ZNF541: variants seen among roughly 807,000 people sequenced by gnomAD.
The protein encoded by ZNF541 is zinc finger protein 541.
Under a neutral mutation model 123.5 loss-of-function variants are expected in ZNF541, and 23 were observed. The observed-to-expected ratio is 0.19, with a 90% CI of 0.13 to 0.26. ZNF541 has a LOEUF of 0.26. ZNF541 is among the 10% of genes least tolerant of loss of function. ZNF541 has a pLI of 1.00. For missense variants in ZNF541, 1,612 were observed against 1,789.9 expected, an observed-to-expected ratio of 0.90 and a Z score of 1.79; for synonymous variants, 751 against 754.5, an observed-to-expected ratio of 1.00 and a Z score of 0.08.
chr19:47,535,245 A>G (rs2340938), intron 9 of ZNF541, among the ~76,000 whole-genome samples: 36,397 of 152,126 alleles, frequency 0.24, 9,546 homozygotes, highest in African/African-American at 0.66. Flanking sequence ...GAGCCACCGC[A>G]CCTGGACCAA....
Position 47,555,607 on chromosome 19 carries a change from C to T in ZNF541, c.250G>A (p.Asp84Asn). 1 of 1,551,556 alleles carries T rather than the reference C, an allele frequency of 6.4e-7. No individual in the cohort carries two copies. The highest frequency in any genetic ancestry group is 8.7e-7 in the Non-Finnish European group (1 of 1,146,906). The change falls in exon 3 of 17, where the codon GAT (aspartate) becomes AAT (asparagine). Residue 84 changes from aspartate to asparagine, a missense_variant. Transcript: ENST00000391901. ...TLSLYSGKDS[D>N]SVKLLEEYAD... ...TACTCCTCCAGCAGCTTCACAGAAT[C>T]ACTGTCCTTCCCGGAGTACAGGGAC...
chr19:47,566,746 AAAATAAAT>A (rs761343019), intron 2 of ZNF541, among the ~76,000 whole-genome samples: 2 of 151,142 alleles, frequency 1.3e-5, no homozygotes, highest in African/African-American at 4.9e-5. Context: ...CTCCATCTCA[AAAATAAAT>A]AAATAAATAA....
At position 47,555,800 on chromosome 19, in the gene ZNF541, AGGGAGGTGCATTTCTGAT is replaced by A. The variant is rs1412168068; in HGVS notation, c.39_56del (p.Glu15_Ser20del). 17 of 1,551,530 alleles carry A rather than the reference AGGGAGGTGCATTTCTGAT, an allele frequency of 1.1e-5. No individual in the cohort carries two copies. Among genetic ancestry groups the A allele is most frequent in the Non-Finnish European group, 1.5e-5 (17 of 1,147,008 alleles). On this transcript the variant is annotated inframe_deletion, in exon 3 of 17. Transcript: ENST00000391901. ...TGAGCCCTTGGCTCTCTGAAAATGA[AGGGAGGTGCATTTCTGAT>A]GGGAGGGCACCCTCGTCTCCAAGGC...
chr19:47,557,232 G>C (rs1301628284), intron 2 of ZNF541, among the ~76,000 whole-genome samples: 1 of 152,160 alleles, frequency 6.6e-6, no homozygotes, highest in African/African-American at 2.4e-5. Context: ...CAGACACGTG[G>C]GTGAGGGAAA....
chr19:47,571,352 G>A (rs1015759475), intron 2 of ZNF541, among the ~76,000 whole-genome samples: 1 of 152,110 alleles, frequency 6.6e-6, no homozygotes, highest in African/African-American at 2.4e-5. Flanking sequence ...CAGCCGCCTC[G>A]GCCTCCCAAA....
Position 47,548,913 on chromosome 19 carries a change from TAAAAATAATAC to T in ZNF541, c.548+321_548+331del, listed in dbSNP as rs569364386. On this transcript the variant is annotated intron_variant, in intron 4 of 16. Coordinates refer to ENST00000391901, the MANE Select transcript of ZNF541 (RefSeq NM_001277075.3). ...CAACATGGTGAAACCCTGTCTCTAC[TAAAAATAATAC>T]AAAAATTAGCTGGGTGTGGTGGCGG... Among the ~76,000 whole-genome samples, 825 of 152,100 alleles carry T rather than the reference TAAAAATAATAC, an allele frequency of 5.4e-3. 5 individuals carry two copies. Among genetic ancestry groups the T allele is most frequent in the Non-Finnish European group, 9.4e-3 (640 of 67,980 alleles).
intron 5 of ZNF541, among the ~76,000 whole-genome samples, chr19:47,542,302 G>A (rs1332909716): frequency 2.5e-4 from 38 of 152,154 alleles, no homozygotes; most frequent in Admixed American, 2.5e-3. Context: ...CTGGCAAAGA[G>A]TGGGGATGGT....
chr19:47,531,316 G>A (rs911673458), intron 12 of ZNF541, among the ~76,000 whole-genome samples: 11 of 148,424 alleles, frequency 7.4e-5, no homozygotes, highest in African/African-American at 2.7e-4. Context: ...TCAATTGAAA[G>A]CTAAAACTCA....
intron 9 of ZNF541, among the ~76,000 whole-genome samples, chr19:47,535,248 T>G (rs761284346): frequency 2.0e-5 from 3 of 152,140 alleles, no homozygotes; most frequent in Non-Finnish European, 2.9e-5. Context: ...CCACCGCACC[T>G]GGACCAAAAT....
intron 4 of ZNF541, among the ~76,000 whole-genome samples, chr19:47,547,969 G>C (rs573219637): frequency 2.7e-5 from 4 of 150,636 alleles, no homozygotes; most frequent in African/African-American, 9.8e-5. Context: ...GAACCCAGGA[G>C]GCAGAGGCTT....
Position 47,539,755 on chromosome 19 carries a change from G to T in ZNF541, c.2746C>A (p.Gln916Lys). The T allele has an allele frequency of 6.8e-7, 1 of 1,464,066 alleles. No individual in the cohort carries two copies. The highest frequency in any genetic ancestry group is 3.3e-5 in the Admixed American group (1 of 29,912). 90.7% of individuals were successfully genotyped at this position (1,464,066 alleles called of 1,614,324 possible). ...GTCACTGGAACCACGGGGATCGATT[G>T]GGGGACCACCAAAGGGGCTGCAGCT... Reference protein sequence around the residue: ...PTAAAPLVVPQSIPVVPVTRH... With the variant: ...PTAAAPLVVPKSIPVVPVTRH... Residue 916 changes from glutamine (Q) to lysine (K), a missense_variant, in exon 8 of 17, where the codon CAA becomes AAA. By Grantham distance (53) the Gln-to-Lys change is moderately conservative. This residue lies in a region of ZNF541 where 1,080 missense variants were observed against 1,013.8 expected (regional missense o/e 1.07). Transcript: ENST00000391901.
intron 2 of ZNF541, among the ~76,000 whole-genome samples, chr19:47,569,228 G>A (rs1971383470): frequency 6.6e-6 from 1 of 151,818 alleles, no homozygotes; most frequent in African/African-American, 2.4e-5. Flanking sequence ...CTTCCTGCCT[G>A]GCCCTTATAA....
chr19:47,545,808 G>T lies in ZNF541; in HGVS notation c.721C>A (p.His241Asn), dbSNP rs1302394811. Residue 241 changes from histidine to asparagine, a missense_variant, in exon 5 of 17, where the codon CAC (histidine) becomes AAC (asparagine). Transcript: ENST00000391901. This position sits in a 1 kb window ranked among gnomAD's most constrained non-coding sequence, Gnocchi z 7.5. ...PEEEACGDSPHAHESAGQPPP... is the reference protein window; with the variant it reads ...PEEEACGDSPNAHESAGQPPP... ...GGCTGGCCGGCCGACTCGTGGGCGT[G>T]GGGGGAGTCCCCGCAGGCCTCTTCC... 3 of 1,544,044 alleles carry T rather than the reference G, an allele frequency of 1.9e-6. No homozygotes were observed. The highest frequency in any genetic ancestry group is 2.7e-5 in the African/African-American group (2 of 72,944).
chr19:47,569,841 G>A (rs909961828), intron 2 of ZNF541, among the ~76,000 whole-genome samples: 4 of 151,590 alleles, frequency 2.6e-5, no homozygotes, highest in Admixed American at 6.6e-5. Flanking sequence ...ATCACACCAC[G>A]GCACTCCAGC....
intron 3 of ZNF541, among the ~76,000 whole-genome samples, chr19:47,550,055 G>A (rs1172195505): frequency 6.6e-6 from 1 of 151,948 alleles, no homozygotes; most frequent in Non-Finnish European, 1.5e-5. Context: ...AGTTCAGGAC[G>A]AGCCTGGCCA....
At chr19:47,530,571 GT>G (rs1414654505) in intron 12 of ZNF541, among the ~76,000 whole-genome samples, 1 of 152,096 alleles carries the variant, frequency 6.6e-6, no homozygotes, top group Non-Finnish European at 1.5e-5. Context: ...TCATTGCAGG[GT>G]TTGCATAATT....
chr19:47,538,145 G>C lies in ZNF541; in HGVS notation c.3091C>G (p.Leu1031Val), dbSNP rs530275691. Residue 1031 changes from leucine (L) to valine (V), a missense_variant, in exon 9 of 17, where the codon CTC becomes GTC. Coordinates refer to ENST00000391901, the MANE Select transcript of ZNF541 (RefSeq NM_001277075.3). ...ASPDQLISSM[L>V]DQVDGSFGIC... ...TGAGTGCCCCAGCCTCACTCACCGA[G>C]CATGGAGCTGATGAGCTGGTCAGGG... 1.2e-5 allele frequency: 19 copies of C among 1,550,572 alleles called. No homozygotes were observed. The highest frequency in any genetic ancestry group is 1.7e-5 in the Non-Finnish European group (19 of 1,146,952).
At position 47,544,975 on chromosome 19, in the gene ZNF541, C is replaced by T. The variant is rs758204539; in HGVS notation, c.1554G>A (p.Glu518=). The change falls in exon 5 of 17, where the codon GAG becomes GAA. Residue 518 remains glutamate (E), a synonymous_variant. Transcript: ENST00000391901. Reference sequence around the variant, plus strand: ...CCTTCTGGGCCTCCTGGAGGCCGGGCTCCCCGGGGTTCTGGCACAGGAAGG... The same window carrying T: ...CCTTCTGGGCCTCCTGGAGGCCGGGTTCCCCGGGGTTCTGGCACAGGAAGG... ...CDSFLCQNPG[E]PGLQEAQKAG... is the part of the protein sequence containing the mutation. 100 of 1,532,346 alleles carry T rather than the reference C, an allele frequency of 6.5e-5. No individual in the cohort carries two copies. The Middle Eastern group carries it at 6.7e-4, about 10-fold the overall frequency. The allele number at this position is 1,532,346 out of a possible 1,614,324, so 94.9% of individuals were successfully genotyped here.
rs1301508089 is a variant in ZNF541, at chr19:47,522,455, C to T, written c.3571-461G>A. 2.0e-5 allele frequency among the ~76,000 whole-genome samples: 3 copies of T among 152,132 alleles called. No individual in the cohort carries two copies. The East Asian group carries it at 5.8e-4, about 29-fold the overall frequency. ...GTGTGAACCTAGGGGATTATTTTCC[C>T]GTTCCTCCACTAAGAAAGGATCCCA... On this transcript the variant is annotated intron_variant, in intron 14 of 16. Coordinates refer to ENST00000391901, the MANE Select transcript of ZNF541 (RefSeq NM_001277075.3).
Sources: gnomAD v4.1 joint callset for allele counts (sites outside exome capture counted in the v4.1 genomes callset) on GRCh38, gnomAD v4.1.1 for gene constraint, gnomAD v4.1.1 regional missense constraint, Gnocchi (gnomAD v3.1) non-coding constraint, MANE v1.5 for transcripts, NCBI Gene and HGNC (gene_info 2026-07-23, HGNC 2026-07-21) for gene names.